Variants in SMARCA2 observed in about 807,000 individuals in gnomAD.
SMARCA2 encodes the protein SWI/SNF related BAF chromatin remodeling complex subunit ATPase 2.
A neutral mutation model predicts 199.8 loss-of-function variants in SMARCA2; 61 were observed. The ratio of observed to expected loss-of-function variants is 0.31; its 90% CI spans 0.25 to 0.38. The LOEUF (loss-of-function observed/expected upper bound fraction) is 0.38. Among genes scored for constraint, SMARCA2 ranks in the 10% least tolerant of loss-of-function variants. SMARCA2 has a pLI of 1.00. For synonymous variants in SMARCA2, 935 were observed against 732.0 expected (o/e 1.28, Z -4.48); for missense variants, 1,344 against 2,012.2 (o/e 0.67, Z 6.35).
chr9:2,097,471 G>A lies in SMARCA2; in HGVS notation c.3078G>A (p.Glu1026=), dbSNP rs764240763. The change falls in exon 21 of 34, where the codon GAG becomes GAA. Residue 1026 remains glutamate (E), a splice_region_variant and synonymous_variant. Coordinates refer to ENST00000349721, the MANE Select transcript of SMARCA2 (RefSeq NM_003070.5). ...ACCCATATATGTTTCAGCACATTGAGGTAAGTCTGTATTGTGTGTTTTGAG... is the reference window on the plus strand; with the variant it reads ...ACCCATATATGTTTCAGCACATTGAAGTAAGTCTGTATTGTGTGTTTTGAG... ...CNHPYMFQHI[E]ESFAEHLGYS... 48 of 1,587,816 alleles carry A rather than the reference G, an allele frequency of 3.0e-5. No homozygotes were observed. Among genetic ancestry groups the A allele is most frequent in the Non-Finnish European group, 4.0e-5 (46 of 1,156,714 alleles).
intron 21 of SMARCA2, among the ~76,000 whole-genome samples, chr9:2,098,287 A>AT (rs914168071): frequency 7.2e-5 from 11 of 152,372 alleles, no homozygotes; most frequent in South Asian, 2.1e-4. Context: ...GCACCAATTT[A>AT]TTTTAAAAAA....
intron 5 of SMARCA2, among the ~76,000 whole-genome samples, chr9:2,048,471 CTTTAAT>C (rs893798301): frequency 1.4e-4 from 21 of 152,144 alleles, no homozygotes; most frequent in African/African-American, 5.1e-4. Flanking sequence ...TTCCCAAAGA[CTTTAAT>C]TTTAAGGAAA....
At chr9:2,111,374 C>G (rs1297431501) in intron 24 of SMARCA2, among the ~76,000 whole-genome samples, 1 of 151,638 alleles carries the variant, frequency 6.6e-6, no homozygotes, top group South Asian at 2.1e-4. Context: ...ACCTGTAGTC[C>G]CAAGTTCCTC....
chr9:2,189,707 G>C (rs1397977356), intron 32 of SMARCA2, among the ~76,000 whole-genome samples: 1 of 151,916 alleles, frequency 6.6e-6, no homozygotes, highest in African/African-American at 2.4e-5. Flanking sequence ...GCAGACAGTG[G>C]GTATAATAGA....
At chr9:2,028,606 G>A (rs1818931345) in intron 1 of SMARCA2, among the ~76,000 whole-genome samples, 1 of 152,210 alleles carries the variant, frequency 6.6e-6, no homozygotes, top group Non-Finnish European at 1.5e-5. Context: ...TAATGGCTTT[G>A]TGGGGGTTAA....
chr9:2,040,380 G>A (rs778577382), intron 4 of SMARCA2: 35 of 179,358 alleles, frequency 2.0e-4, no homozygotes, highest in Non-Finnish European at 3.3e-4. Flanking sequence ...ATAATTATGA[G>A]TAGCAAAATC....
At chr9:2,106,210 T>C (rs1321400638) in intron 23 of SMARCA2, among the ~76,000 whole-genome samples, 1 of 152,248 alleles carries the variant, frequency 6.6e-6, no homozygotes, top group Admixed American at 6.5e-5. Flanking sequence ...AGGTTCTAAC[T>C]TGGATCTGTT....
rs748327721 is a variant in SMARCA2, at chr9:2,039,416, T to C, written c.356-50T>C. 18 of 1,570,440 alleles carry C rather than the reference T, an allele frequency of 1.1e-5. No homozygotes were observed. In the South Asian group the frequency reaches 2.0e-4, roughly 17 times the overall value. ...TTAGAGTATTCAGGGATATCTCTCT[T>C]TCAGGGTTGTCAGGGGCAGCCTGTG... is the stretch of plus-strand genomic sequence containing the variant. On this transcript the variant is annotated intron_variant, in intron 3 of 33. Coordinates refer to ENST00000349721, the MANE Select transcript of SMARCA2 (RefSeq NM_003070.5). This position sits in a 1 kb window ranked among gnomAD's most constrained non-coding sequence, Gnocchi z 4.8.
intron 27 of SMARCA2, among the ~76,000 whole-genome samples, chr9:2,130,518 A>G (rs1014303830): frequency 2.0e-5 from 3 of 152,240 alleles, no homozygotes; most frequent in African/African-American, 7.2e-5. Flanking sequence ...CAAGGCAATG[A>G]GTAACTCTCC....
chr9:2,083,462 C>A (rs1821656528), intron 16 of SMARCA2, 49 bp downstream of exon 16: 1 of 1,194,216 alleles, frequency 8.4e-7, no homozygotes, highest in Non-Finnish European at 1.2e-6. Context: ...AAAAAATAGA[C>A]CCTATTTTCT....
chr9:2,149,253 C>T (rs1437719636), intron 27 of SMARCA2, among the ~76,000 whole-genome samples: 2 of 151,232 alleles, frequency 1.3e-5, no homozygotes, highest in African/African-American at 4.8e-5. Context: ...TGTGGTGGCT[C>T]ACACCTGTAA....
intron 27 of SMARCA2, among the ~76,000 whole-genome samples, chr9:2,137,665 C>A (rs1445772543): frequency 6.6e-6 from 1 of 152,204 alleles, no homozygotes; most frequent in African/African-American, 2.4e-5. Flanking sequence ...TCTTACTGTT[C>A]CTCTCCACTG....
At chr9:2,179,950 G>C (rs1038606990) in intron 29 of SMARCA2, among the ~76,000 whole-genome samples, 1 of 152,246 alleles carries the variant, frequency 6.6e-6, no homozygotes. Context: ...ATGTTTGGGT[G>C]TATAAATCTC....
At chr9:2,145,235 G>A (rs577544806) in intron 27 of SMARCA2, among the ~76,000 whole-genome samples, 6 of 151,442 alleles carry the variant, frequency 4.0e-5, no homozygotes, top group African/African-American at 1.2e-4. Context: ...CTCGGGAGGC[G>A]GAGGTTGCAG....
intron 23 of SMARCA2, among the ~76,000 whole-genome samples, chr9:2,109,832 G>T (rs1316461548): frequency 6.6e-6 from 1 of 151,980 alleles, no homozygotes; most frequent in Non-Finnish European, 1.5e-5. Context: ...TTGCTTTAAT[G>T]CCTATTGGCA....
At chr9:2,102,708 G>C (rs1210372555) in intron 22 of SMARCA2, among the ~76,000 whole-genome samples, 2 of 152,114 alleles carry the variant, frequency 1.3e-5, no homozygotes, top group African/African-American at 4.8e-5. Context: ...ACTTGTACTT[G>C]TATAGTAATC....
At chr9:2,190,468 A>G (rs1827799055) in intron 32 of SMARCA2, among the ~76,000 whole-genome samples, 1 of 152,262 alleles carries the variant, frequency 6.6e-6, no homozygotes, top group Non-Finnish European at 1.5e-5. Context: ...CTTTACCTAT[A>G]AATATCCCAC....
rs923166180 is a variant in SMARCA2, at chr9:2,016,541, G to C, written c.-37+1137G>C. The C allele has an allele frequency of 5.9e-5, 9 of 152,480 alleles. No individual in the cohort carries two copies. Among genetic ancestry groups the C allele is most frequent in the African/African-American group, 2.2e-4 (9 of 41,578 alleles). 9.4% of individuals were successfully genotyped at this position (152,480 alleles called of 1,614,324 possible). ...CGCCGGGACCCAGGAGAGCCACGGC[G>C]GCGGCTGCGGGCCCGGGAGGCCATG... On this transcript the variant is annotated intron_variant, in intron 1 of 33. Transcript: ENST00000349721. This position sits in a 1 kb window ranked among gnomAD's most constrained non-coding sequence, Gnocchi z 5.6.
chr9:2,160,987 T>C (rs1314213567), intron 27 of SMARCA2: 1 of 189,516 alleles, frequency 5.3e-6, no homozygotes, highest in East Asian at 1.3e-4. Flanking sequence ...TATTTTATTA[T>C]CTCTCTGCAT....
Sources: allele counts gnomAD v4.1 joint callset (sites outside exome capture counted in the v4.1 genomes callset), GRCh38; gene constraint gnomAD v4.1.1; non-coding constraint Gnocchi (gnomAD v3.1); transcripts MANE v1.5; gene names NCBI Gene and HGNC (gene_info 2026-07-23, HGNC 2026-07-21).